The following ZNF185 variants were observed in gnomAD, a reference collection of about 807,000 sequenced individuals.
ZNF185 encodes the protein zinc finger protein 185 with LIM domain.
In ZNF185, 56 loss-of-function variants were observed where a neutral mutation model predicts 58.6. The ratio of observed to expected loss-of-function variants is 0.95; its 90% CI spans 0.77 to 1.19. The LOEUF is 1.19. Ranked by LOEUF, ZNF185 falls within the 50% of genes most tolerant of loss-of-function variation. ZNF185 has a pLI of 0.00. For synonymous variants in ZNF185, 230 were observed against 215.9 expected (o/e 1.07, Z -0.57); for missense variants, 627 against 573.5 (o/e 1.09, Z -0.95).
At chrX:152,941,855 G>A in intron 15 of ZNF185, 1 of 1,137,884 alleles carries the variant, frequency 8.8e-7, no homozygotes, top group Non-Finnish European at 1.2e-6. Flanking sequence ...CGCGGCCAGA[G>A]TGGCTTTGGG....
At chrX:152,939,869 G>A (rs1165896613) in intron 15 of ZNF185, among the ~76,000 whole-genome samples, 1 of 95,336 alleles carries the variant, frequency 1.0e-5, no homozygotes, top group Non-Finnish European at 2.0e-5. Context: ...TGCAACCTCT[G>A]CCTCCTGGGT....
At chrX:152,927,978 G>A (rs1435692275) in intron 11 of ZNF185, among the ~76,000 whole-genome samples, 1 of 112,834 alleles carries the variant, frequency 8.9e-6, no homozygotes, top group Non-Finnish European at 1.9e-5. Context: ...CCTGCTGGGC[G>A]TCATGCCTTG....
In ZNF185 at chrX:152,942,145, G is replaced by C. The variant is rs191461535; in HGVS notation, c.1212-3122G>C. Among the ~76,000 whole-genome samples the C allele has an allele frequency of 6.2e-4, 70 of 112,582 alleles. No homozygotes were observed. In the East Asian group the frequency reaches 0.019, roughly 30 times the overall value. On this transcript the variant is annotated intron_variant, in intron 15 of 22. Coordinates refer to ENST00000449285, the Ensembl canonical transcript of ZNF185. ...TTCCCTAGGAGTTTGATGAGGGAGCGCCATGGGGGTGGCGTCATCCTGACA... is the reference window on the plus strand; with the variant it reads ...TTCCCTAGGAGTTTGATGAGGGAGCCCCATGGGGGTGGCGTCATCCTGACA...
chrX:152,936,097 A>G (rs1248006963), intron 14 of ZNF185, among the ~76,000 whole-genome samples: 1 of 112,463 alleles, frequency 8.9e-6, no homozygotes, highest in Non-Finnish European at 1.9e-5. Flanking sequence ...TTCTCAGAAT[A>G]CTTACGAGAC....
intron 16 of ZNF185, among the ~76,000 whole-genome samples, chrX:152,952,130 T>C (rs1400035154): frequency 8.9e-6 from 1 of 112,196 alleles, no homozygotes; most frequent in African/African-American, 3.2e-5. Flanking sequence ...AGGAGGAACA[T>C]ACCCAAGTAG....
chrX:152,926,068 G>T (rs1351594402), intron 11 of ZNF185, among the ~76,000 whole-genome samples: 1 of 112,604 alleles, frequency 8.9e-6, no homozygotes, highest in Non-Finnish European at 1.9e-5. Context: ...CCTGACCAGG[G>T]CATGGCCTCC....
exon 19 of ZNF185, chrX:152,965,468 G>A: frequency 8.4e-7 from 1 of 1,186,524 alleles, no homozygotes; most frequent in Non-Finnish European, 1.1e-6. Flanking sequence ...TCTTCGTGAA[G>A]GAGTACGTGA....
Position 152,936,414 on chromosome X carries a change from A to G in ZNF185, c.1122-1660A>G. 1 of 1,165,596 alleles carries G rather than the reference A, an allele frequency of 8.6e-7. No homozygotes were observed. On this transcript the variant is annotated intron_variant, in intron 14 of 22. Transcript: ENST00000449285. ...CCTGGACCAGGTCTGGCCTTCTTTC[A>G]CAGGCTGTGTGCAGCTGCTAGCTTT... is the stretch of plus-strand genomic sequence containing the variant.
the ZNF185 span, among the ~76,000 whole-genome samples, chrX:152,898,110 C>T: frequency 2.8e-5 from 3 of 108,786 alleles, no homozygotes; most frequent in Non-Finnish European, 5.8e-5. Flanking sequence ...CGCTGTGCAC[C>T]GCGCCCCGCG....
chrX:152,961,578 G>A (rs1022234626), intron 17 of ZNF185, among the ~76,000 whole-genome samples: 3 of 111,777 alleles, frequency 2.7e-5, no homozygotes, highest in Non-Finnish European at 5.6e-5. Context: ...ATGGGCCGCC[G>A]GCTAGAGATG....
intron 5 of ZNF185, 124 bp from the exon 7 acceptor site, chrX:152,917,941 A>C: frequency 9.0e-7 from 1 of 1,116,967 alleles, no homozygotes; most frequent in Non-Finnish European, 1.2e-6. Context: ...CAGGGCCAAA[A>C]GCAAAGAGGA....
At chrX:152,919,878 C>G (rs1939351947) in intron 7 of ZNF185, among the ~76,000 whole-genome samples, 1 of 112,933 alleles carries the variant, frequency 8.9e-6, no homozygotes, top group African/African-American at 3.2e-5. Context: ...GAACAGTTCA[C>G]AGTGGCAGGG....
At chrX:152,908,924 G>C in the ZNF185 span, among the ~76,000 whole-genome samples, 1 of 113,465 alleles carries the variant, frequency 8.8e-6, no homozygotes, top group Non-Finnish European at 1.9e-5. Context: ...CAGGGTGCCC[G>C]CCTGACACAG....
At chrX:152,898,606 G>A in the ZNF185 span, among the ~76,000 whole-genome samples, 2 of 112,209 alleles carry the variant, frequency 1.8e-5, no homozygotes, top group South Asian at 3.7e-4. Context: ...ATATCCCTCC[G>A]TCCCCCTGTG....
At chrX:152,914,477 C>T (rs782170603) in exon 1 of ZNF185, 26 of 1,179,992 alleles carry the variant, frequency 2.2e-5, no homozygotes, top group Middle Eastern at 2.3e-4. Context: ...AGGAGAGCTG[C>T]GGAGCAATCA....
intron 11 of ZNF185, among the ~76,000 whole-genome samples, chrX:152,924,411 G>A (rs549230927): frequency 1.8e-5 from 2 of 110,999 alleles, no homozygotes; most frequent in Non-Finnish European, 3.8e-5. Flanking sequence ...ATGAGCCACC[G>A]CGCCCAGACC....
intron 15 of ZNF185, among the ~76,000 whole-genome samples, chrX:152,942,061 C>A (rs188019144): frequency 1.3e-3 from 140 of 108,304 alleles, no homozygotes; most frequent in Non-Finnish European, 1.7e-3. Flanking sequence ...GACCCTCCAA[C>A]CACGCTGGGC....
chrX:152,909,613 G>A (rs781831926), upstream of ZNF185, among the ~76,000 whole-genome samples: 91 of 112,618 alleles, frequency 8.1e-4, no homozygotes, highest in African/African-American at 2.8e-3. Flanking sequence ...TGCCACTGCC[G>A]CTGCAGCAAC....
intron 15 of ZNF185, 28 bp downstream of exon 17, chrX:152,938,191 T>C (rs1556884525): frequency 1.7e-6 from 2 of 1,152,831 alleles, no homozygotes; most frequent in African/African-American, 3.6e-5. Context: ...AGTGCTGAAC[T>C]TCTGGGGTGG....
Sources: gnomAD v4.1 joint callset for allele counts (sites outside exome capture counted in the v4.1 genomes callset) on GRCh38, gnomAD v4.1.1 for gene constraint, MANE v1.5 for transcripts, NCBI Gene and HGNC (gene_info 2026-07-23, HGNC 2026-07-21) for gene names.